MACROD2: variants seen among roughly 807,000 people sequenced by gnomAD.
The protein encoded by MACROD2 is ADP-ribose glycohydrolase MACROD2.
Under a neutral mutation model 70.4 loss-of-function variants are expected in MACROD2, and 36 were observed. The observed-to-expected ratio is 0.51, with a 90% CI of 0.39 to 0.68. The LOEUF is 0.68. Ranked by LOEUF, MACROD2 falls within the 30% of genes least tolerant of loss-of-function variation. MACROD2 has a pLI of 0.00. For missense variants in MACROD2, 496 were observed against 538.4 expected (o/e 0.92, Z 0.78); for synonymous variants, 172 against 178.8 (o/e 0.96, Z 0.30).
intron 2 of MACROD2, among the ~76,000 whole-genome samples, chr20:14,038,882 C>T (rs1315287573): frequency 6.6e-6 from 1 of 151,908 alleles, no homozygotes; most frequent in East Asian, 1.9e-4. Flanking sequence ...CACTTAAGAT[C>T]TGTTGAACGT....
intron 6 of MACROD2, among the ~76,000 whole-genome samples, chr20:15,418,711 G>A (rs2046188619): frequency 6.6e-6 from 1 of 152,136 alleles, no homozygotes; most frequent in Admixed American, 6.5e-5. Flanking sequence ...ACCTTCGGAG[G>A]CACTGGACAC....
At chr20:15,610,674 C>A (rs2048954667) in intron 8 of MACROD2, among the ~76,000 whole-genome samples, 2 of 152,188 alleles carry the variant, frequency 1.3e-5, no homozygotes, top group Non-Finnish European at 2.9e-5. Context: ...ATTCAACCTA[C>A]TACAGGCATC....
intron 7 of MACROD2, among the ~76,000 whole-genome samples, chr20:15,475,608 C>A (rs754529580): frequency 2.2e-4 from 33 of 152,210 alleles, no homozygotes; most frequent in Non-Finnish European, 2.8e-4. Context: ...AGCAGCCACA[C>A]CCCGCAGTCA....
intron 5 of MACROD2, among the ~76,000 whole-genome samples, chr20:14,937,522 T>C (rs2074350973): frequency 6.6e-6 from 1 of 152,168 alleles, no homozygotes; most frequent in South Asian, 2.1e-4. Context: ...TTGGGTCCAG[T>C]ATTTTGACAT....
chr20:15,305,152 G>A (rs2077685078), intron 6 of MACROD2, among the ~76,000 whole-genome samples: 1 of 152,098 alleles, frequency 6.6e-6, no homozygotes, highest in African/African-American at 2.4e-5. Flanking sequence ...GCTGGCCAAT[G>A]GATCCTTGGG....
At chr20:15,702,989 C>T (rs1455790699) in intron 8 of MACROD2, among the ~76,000 whole-genome samples, 1 of 152,098 alleles carries the variant, frequency 6.6e-6, no homozygotes, top group Non-Finnish European at 1.5e-5. Flanking sequence ...AAGCCACACA[C>T]CTGCAATTAA....
chr20:13,995,910 C>T lies in MACROD2; in HGVS notation c.46+101C>T. On this transcript the variant is annotated intron_variant, in intron 1 of 17. Transcript: ENST00000684519. This position sits in a 1 kb window ranked among gnomAD's most constrained non-coding sequence, Gnocchi z 4.3. The stretch of plus-strand genomic sequence containing the variant: ...GCGGCGCCCTCCGCCCGAGCTCCCG[C>T]CTCGCGCCCTCCCGGCCGGTGCCGC... 7.3e-7 allele frequency: 1 copy of T among 1,374,786 alleles called. No individual in the cohort carries two copies. The highest frequency in any genetic ancestry group is 1.0e-6 in the Non-Finnish European group (1 of 992,380). 85.2% of individuals were successfully genotyped at this position (1,374,786 alleles called of 1,614,324 possible).
rs1195368540 is a variant in MACROD2, at chr20:14,326,355, T to G, written c.272-167124T>G. The stretch of plus-strand genomic sequence containing the variant: ...TCTTAATATCTGGCTGTTTGGTCAC[T>G]GGAGCTGGCCACTGTCCTTGGGCAG... On this transcript the variant is annotated intron_variant, in intron 3 of 17. Coordinates refer to ENST00000684519, the MANE Select transcript of MACROD2 (RefSeq NM_001351661.2). The surrounding 1 kb of genome is among the most constrained non-coding windows in gnomAD (Gnocchi z 5.5). The G allele has an allele frequency of 4.3e-6, 7 of 1,613,968 alleles. No homozygotes were observed. Among genetic ancestry groups the G allele is most frequent in the Non-Finnish European group, 5.9e-6 (7 of 1,179,892 alleles).
intron 3 of MACROD2, among the ~76,000 whole-genome samples, chr20:14,468,140 G>A (rs540965104): frequency 1.8e-4 from 27 of 152,096 alleles, no homozygotes; most frequent in Non-Finnish European, 3.8e-4. Context: ...TTGGTCCGGA[G>A]CTGAGTTCAA....
chr20:15,516,234 A>G (rs189214752), intron 8 of MACROD2, among the ~76,000 whole-genome samples: 78 of 152,300 alleles, frequency 5.1e-4, no homozygotes, highest in Admixed American at 1.5e-3. Context: ...TTCTGATGAT[A>G]CTATTTTTTA....
intron 5 of MACROD2, chr20:14,850,618 A>C (rs935760347): frequency 6.6e-6 from 1 of 152,116 alleles, no homozygotes; most frequent in African/African-American, 2.4e-5. Flanking sequence ...GACACCCCAC[A>C]CTTACTGGTA....
At chr20:14,646,688 T>C (rs1985411933) in intron 4 of MACROD2, among the ~76,000 whole-genome samples, 1 of 152,150 alleles carries the variant, frequency 6.6e-6, no homozygotes, top group African/African-American at 2.4e-5. Context: ...TTTGCATCAT[T>C]ATGTTTGCAT....
intron 5 of MACROD2, among the ~76,000 whole-genome samples, chr20:14,981,513 C>CACTCA (rs2074800459): frequency 6.6e-6 from 1 of 151,580 alleles, no homozygotes; most frequent in African/African-American, 2.4e-5. Context: ...GCCGTGTCCC[C>CACTCA]ACTCAAATCT....
rs2064989096 is a variant in MACROD2 at position 15,897,387 on chromosome 20, ATT to A, written c.775+11580_775+11581del. Among the ~76,000 whole-genome samples, 7 of 152,180 alleles carry A rather than the reference ATT, an allele frequency of 4.6e-5. No individual in the cohort carries two copies. In the South Asian group the frequency reaches 1.4e-3, roughly 32 times the overall value. ...CTATGATGTGCCTAGGTATAGATTC[ATT>A]TTTATATATCCTTCTTAGAATTTGC... On this transcript the variant is annotated intron_variant, in intron 10 of 17. Coordinates refer to ENST00000684519, the MANE Select transcript of MACROD2 (RefSeq NM_001351661.2).
chr20:15,293,303 A>T (rs1438534164), intron 6 of MACROD2, among the ~76,000 whole-genome samples: 3 of 152,264 alleles, frequency 2.0e-5, no homozygotes, highest in Non-Finnish European at 4.4e-5. Flanking sequence ...TTAGTATGGT[A>T]TTATAACACA....
At chr20:14,585,036 G>C (rs1005182921) in intron 4 of MACROD2, among the ~76,000 whole-genome samples, 1 of 152,178 alleles carries the variant, frequency 6.6e-6, no homozygotes, top group Non-Finnish European at 1.5e-5. Context: ...GGAGGTGCCA[G>C]TATCCTTAGT....
At chr20:15,662,588 A>G (rs188667904) in intron 8 of MACROD2, among the ~76,000 whole-genome samples, 4 of 152,198 alleles carry the variant, frequency 2.6e-5, no homozygotes, top group East Asian at 3.9e-4. Flanking sequence ...CTGTTCTTAT[A>G]TATTCTTATA....
At chr20:15,542,432 G>T (rs1017213578) in intron 8 of MACROD2, among the ~76,000 whole-genome samples, 63 of 152,148 alleles carry the variant, frequency 4.1e-4, no homozygotes, top group African/African-American at 1.5e-3. Context: ...AATCTATTAA[G>T]AAACCATTCC....
intron 13 of MACROD2, among the ~76,000 whole-genome samples, chr20:15,978,323 A>C (rs2066340269): frequency 6.6e-6 from 1 of 152,176 alleles, no homozygotes; most frequent in Non-Finnish European, 1.5e-5. Flanking sequence ...GCACTACAGC[A>C]AGGTCGCCAG....
Sources: allele counts gnomAD v4.1 joint callset (sites outside exome capture counted in the v4.1 genomes callset), GRCh38; gene constraint gnomAD v4.1.1; non-coding constraint Gnocchi (gnomAD v3.1); transcripts MANE v1.5; gene names NCBI Gene and HGNC (gene_info 2026-07-23, HGNC 2026-07-21).